The following NR5A2 variants were observed in gnomAD, a reference collection of about 807,000 sequenced individuals.
The protein encoded by NR5A2 is nuclear receptor subfamily 5 group A member 2, also known as CYP7A promoter-binding factor.
In NR5A2, 26 loss-of-function variants were observed where a neutral mutation model predicts 62.7. The observed-to-expected ratio is 0.41, with a 90% CI of 0.30 to 0.58. The LOEUF (loss-of-function observed/expected upper bound fraction) is 0.58. Ranked by LOEUF, NR5A2 falls within the 20% of genes least tolerant of loss-of-function variation. NR5A2 has a pLI of 0.22. For missense variants in NR5A2, 541 were observed against 669.1 expected (o/e 0.81, Z 2.11); for synonymous variants, 246 against 241.7 (o/e 1.02, Z -0.16).
intron 7 of NR5A2, among the ~76,000 whole-genome samples, chr1:200,156,496 C>T (rs551429883): frequency 1.3e-5 from 2 of 152,270 alleles, no homozygotes; most frequent in South Asian, 4.2e-4. Context: ...CTCCCGGGTT[C>T]AAGCAATTCT....
At chr1:200,088,083 G>A (rs1664637862) in intron 5 of NR5A2, among the ~76,000 whole-genome samples, 1 of 151,824 alleles carries the variant, frequency 6.6e-6, no homozygotes, top group Non-Finnish European at 1.5e-5. Context: ...TTTGTTTATT[G>A]TAATTAGAGA....
chr1:200,160,130 G>A (rs3790791), intron 7 of NR5A2, among the ~76,000 whole-genome samples: 58,744 of 152,120 alleles, frequency 0.39, 13,890 homozygotes, highest in African/African-American at 0.68. Context: ...TCTGCAGGGA[G>A]CAAAGCCTAG....
intron 7 of NR5A2, among the ~76,000 whole-genome samples, chr1:200,163,931 C>A (rs1653773826): frequency 6.6e-6 from 1 of 152,010 alleles, no homozygotes; most frequent in Admixed American, 6.6e-5. Context: ...ACTGTAATCC[C>A]CAATGCTGGA....
intron 7 of NR5A2, among the ~76,000 whole-genome samples, chr1:200,141,241 G>C (rs1360148314): frequency 1.3e-5 from 2 of 152,172 alleles, no homozygotes; most frequent in African/African-American, 4.8e-5. Context: ...ATCACCACAA[G>C]TTTCCTTTGC....
intron 1 of NR5A2, among the ~76,000 whole-genome samples, chr1:200,035,591 C>T (rs971854842): frequency 6.6e-6 from 1 of 152,068 alleles, no homozygotes; most frequent in African/African-American, 2.4e-5. Context: ...GTGGGGAGTG[C>T]GAGGCCTCCT....
rs557198427 is a variant in NR5A2, at chr1:200,171,332, C to CA, written c.1379-2625dup. On this transcript the variant is annotated intron_variant, in intron 7 of 7. Coordinates refer to ENST00000367362, the MANE Select transcript of NR5A2 (RefSeq NM_205860.3). ...TGGATTCAATTCTGATCAGCTTTAG[C>CA]AAAAAATAGTATATTTAGCCAAAAT... Among the ~76,000 whole-genome samples, 579 of 152,206 alleles carry CA rather than the reference C, an allele frequency of 3.8e-3. 9 individuals carry two copies. The highest frequency in any genetic ancestry group is 2.9e-3 in the South Asian group (14 of 4,820).
intron 5 of NR5A2, among the ~76,000 whole-genome samples, chr1:200,078,518 T>G (rs1664144514): frequency 6.6e-6 from 1 of 152,242 alleles, no homozygotes; most frequent in South Asian, 2.1e-4. Flanking sequence ...ACAGAACAAC[T>G]GAGGAAAATC....
At chr1:200,057,156 T>G (rs1202158473) in intron 5 of NR5A2, among the ~76,000 whole-genome samples, 1 of 152,198 alleles carries the variant, frequency 6.6e-6, no homozygotes, top group South Asian at 2.1e-4. Context: ...GTAATACAAG[T>G]CCTTTAAGAC....
chr1:200,105,238 G>T (rs1319281018), intron 5 of NR5A2, among the ~76,000 whole-genome samples: 4 of 152,042 alleles, frequency 2.6e-5, no homozygotes, highest in Admixed American at 1.3e-4. Context: ...GGGATTACAG[G>T]CATGTGGGCC....
At chr1:200,153,473 C>T (rs1020976336) in intron 7 of NR5A2, among the ~76,000 whole-genome samples, 4 of 152,134 alleles carry the variant, frequency 2.6e-5, no homozygotes, top group East Asian at 1.9e-4. Flanking sequence ...CGAGCTCTGG[C>T]AGAAAACCCA....
At chr1:200,124,441 T>C (rs1046226854) in intron 7 of NR5A2, among the ~76,000 whole-genome samples, 1 of 152,186 alleles carries the variant, frequency 6.6e-6, no homozygotes, top group Non-Finnish European at 1.5e-5. Context: ...CCCCCTCAGA[T>C]TGTATCCATG....
At chr1:200,144,233 T>TCTCTCTCACACACA (rs1446217306) in intron 7 of NR5A2, among the ~76,000 whole-genome samples, 3 of 80,028 alleles carry the variant, frequency 3.7e-5, no homozygotes, top group African/African-American at 1.3e-4. Flanking sequence ...TCTCTCTCTC[T>TCTCTCTCACACACA]CACACACACA....
intron 5 of NR5A2, among the ~76,000 whole-genome samples, chr1:200,105,123 TTTTTA>T (rs542073673): frequency 6.6e-6 from 1 of 152,128 alleles, no homozygotes; most frequent in Non-Finnish European, 1.5e-5. Flanking sequence ...CATGCCTGGC[TTTTTA>T]TTTTATTTTT....
chr1:200,073,700 C>T (rs1663862407), intron 5 of NR5A2, among the ~76,000 whole-genome samples: 1 of 150,612 alleles, frequency 6.6e-6, no homozygotes, highest in Non-Finnish European at 1.5e-5. Flanking sequence ...CACACACACA[C>T]CACACACACA....
chr1:200,139,491 A>C (rs1571542716), intron 7 of NR5A2, among the ~76,000 whole-genome samples: 1 of 152,204 alleles, frequency 6.6e-6, no homozygotes, highest in Non-Finnish European at 1.5e-5. Context: ...CTATTTTAGT[A>C]GTCTTCTTTT....
At chr1:200,171,565 A>G (rs1417637220) in intron 7 of NR5A2, among the ~76,000 whole-genome samples, 1 of 152,156 alleles carries the variant, frequency 6.6e-6, no homozygotes, top group East Asian at 1.9e-4. Flanking sequence ...CCTAGTCAAC[A>G]TGGTGAAACC....
intron 6 of NR5A2, among the ~76,000 whole-genome samples, chr1:200,113,690 A>C (rs1271980986): frequency 6.6e-6 from 1 of 152,242 alleles, no homozygotes; most frequent in Non-Finnish European, 1.5e-5. Flanking sequence ...CTTGATTAAA[A>C]CAAATTAAGT....
intron 5 of NR5A2, among the ~76,000 whole-genome samples, chr1:200,077,320 TAAG>T (rs1442864607): frequency 1.3e-5 from 2 of 152,220 alleles, no homozygotes; most frequent in African/African-American, 4.8e-5. Context: ...GGTCCTTAAT[TAAG>T]AAGCAAATTC....
At chr1:200,087,263 CACA>C (rs1353540225) in intron 5 of NR5A2, among the ~76,000 whole-genome samples, 10 of 152,038 alleles carry the variant, frequency 6.6e-5, no homozygotes, top group South Asian at 6.2e-4. Flanking sequence ...CACACACACA[CACA>C]CCCTTCCTCT....
Sources: gnomAD v4.1 joint callset for allele counts (sites outside exome capture counted in the v4.1 genomes callset) on GRCh38, gnomAD v4.1.1 for gene constraint, MANE v1.5 for transcripts, NCBI Gene and HGNC (gene_info 2026-07-23, HGNC 2026-07-21) for gene names.